ACOXL: variants seen among roughly 807,000 people sequenced by gnomAD.
ACOXL encodes acyl-CoA oxidase like.
Under a neutral mutation model 71.9 loss-of-function variants are expected in ACOXL, and 70 were observed. The observed-to-expected ratio is 0.97, with a 90% CI of 0.80 to 1.19. The LOEUF is 1.19. Ranked by LOEUF, ACOXL falls within the 50% of genes most tolerant of loss-of-function variation. The pLI, the probability that ACOXL is intolerant of heterozygous loss-of-function variation, is 0.00. For missense variants in ACOXL, 703 were observed against 736.3 expected (o/e 0.95, Z 0.52); for synonymous variants, 253 against 281.6 (o/e 0.90, Z 1.02).
chr2:110,801,884 A>G (rs935315886), intron 8 of ACOXL, among the ~76,000 whole-genome samples, 160 bp downstream of exon 8: 2 of 152,224 alleles, frequency 1.3e-5, no homozygotes, highest in African/African-American at 4.8e-5. Context: ...ATACGTCTGC[A>G]GATAGAAAAA....
chr2:110,961,736 A>C (rs1408367042), intron 12 of ACOXL, among the ~76,000 whole-genome samples: 1 of 152,214 alleles, frequency 6.6e-6, no homozygotes, highest in African/African-American at 2.4e-5. Context: ...TAATGGACTC[A>C]CAGTTCCACA....
intron 9 of ACOXL, among the ~76,000 whole-genome samples, chr2:110,820,535 G>A (rs1228645521): frequency 6.6e-6 from 1 of 151,692 alleles, no homozygotes; most frequent in African/African-American, 2.4e-5. Context: ...CAGAGATAGG[G>A]TCAAGGTCTG....
chr2:111,011,313 G>C (rs2064143539), intron 14 of ACOXL, among the ~76,000 whole-genome samples: 2 of 152,058 alleles, frequency 1.3e-5, no homozygotes, highest in Admixed American at 1.3e-4. Context: ...CCCTTAATCT[G>C]AAAGAAGACA....
intron 10 of ACOXL, among the ~76,000 whole-genome samples, chr2:110,891,686 C>T (rs1697943300): frequency 6.6e-6 from 1 of 152,008 alleles, no homozygotes; most frequent in Non-Finnish European, 1.5e-5. Flanking sequence ...TTTTAGAAAT[C>T]AATTTCAGCA....
intron 9 of ACOXL, among the ~76,000 whole-genome samples, chr2:110,813,247 A>G (rs1687550763): frequency 6.6e-6 from 1 of 152,206 alleles, no homozygotes; most frequent in South Asian, 2.1e-4. Flanking sequence ...TGTGGCTGTG[A>G]CATTTCAAGG....
intron 16 of ACOXL, among the ~76,000 whole-genome samples, chr2:111,079,315 T>C (rs542210827): frequency 6.6e-6 from 1 of 152,346 alleles, no homozygotes. Context: ...CTAGTGTATA[T>C]ACATTATTTA....
At chr2:110,830,363 T>C (rs1481452648) in intron 9 of ACOXL, among the ~76,000 whole-genome samples, 4 of 152,112 alleles carry the variant, frequency 2.6e-5, no homozygotes, top group Admixed American at 6.6e-5. Context: ...TGCAGTTCCT[T>C]CCTCCCTCCC....
chr2:111,027,398 T>C (rs1360241546), intron 14 of ACOXL, among the ~76,000 whole-genome samples: 2 of 151,840 alleles, frequency 1.3e-5, no homozygotes, highest in Non-Finnish European at 2.9e-5. Context: ...CTCGGCTCAC[T>C]ACAACCTCCA....
At chr2:111,094,989 C>A (rs1484496789) in intron 17 of ACOXL, among the ~76,000 whole-genome samples, 1 of 152,046 alleles carries the variant, frequency 6.6e-6, no homozygotes, top group Non-Finnish European at 1.5e-5. Context: ...AAGATGCCAG[C>A]CTTCATAAAG....
chr2:111,026,621 C>T (rs933114880), intron 14 of ACOXL, among the ~76,000 whole-genome samples: 1 of 151,724 alleles, frequency 6.6e-6, no homozygotes, highest in Non-Finnish European at 1.5e-5. Flanking sequence ...CAGTTCATTG[C>T]TAGAATATAG....
At chr2:110,903,208 A>G (rs1000550104) in intron 10 of ACOXL, among the ~76,000 whole-genome samples, 6 of 152,242 alleles carry the variant, frequency 3.9e-5, no homozygotes, top group Non-Finnish European at 8.8e-5. Flanking sequence ...CTTTGGGAGA[A>G]GAGACCAGAG....
intron 11 of ACOXL, among the ~76,000 whole-genome samples, chr2:110,911,104 A>G (rs1389274401): frequency 1.3e-5 from 2 of 152,176 alleles, no homozygotes; most frequent in African/African-American, 2.4e-5. Context: ...GAACAATAGT[A>G]TGCAACAAAA....
intron 13 of ACOXL, among the ~76,000 whole-genome samples, chr2:110,989,048 C>T (rs1319251368): frequency 1.3e-5 from 2 of 151,906 alleles, no homozygotes; most frequent in African/African-American, 4.8e-5. Flanking sequence ...TCAATCTTTT[C>T]TTTTATATCC....
intron 12 of ACOXL, among the ~76,000 whole-genome samples, chr2:110,980,431 C>T (rs1463776138): frequency 2.6e-5 from 4 of 152,044 alleles, no homozygotes; most frequent in African/African-American, 4.8e-5. Context: ...GGATGGGAAG[C>T]GAAGGGAAGA....
chr2:111,014,549 C>T (rs538453654), intron 14 of ACOXL, among the ~76,000 whole-genome samples: 25 of 152,186 alleles, frequency 1.6e-4, no homozygotes, highest in Non-Finnish European at 3.4e-4. Flanking sequence ...GTTCATCCTC[C>T]TGAAATTAGC....
intron 1 of ACOXL, among the ~76,000 whole-genome samples, chr2:110,740,711 A>G (rs934432029): frequency 1.3e-5 from 2 of 152,234 alleles, no homozygotes; most frequent in Non-Finnish European, 2.9e-5. Flanking sequence ...TGAGAGAGCT[A>G]AGGATGCTCC....
At chr2:110,787,751 C>A (rs1684163732) in intron 3 of ACOXL, among the ~76,000 whole-genome samples, 1 of 152,008 alleles carries the variant, frequency 6.6e-6, no homozygotes, top group African/African-American at 2.4e-5. Flanking sequence ...TTGCTTCTAG[C>A]CCTAGCTTGG....
chr2:111,021,408 T>C lies in ACOXL; in HGVS notation c.1282-10219T>C, dbSNP rs2064752702. On this transcript the variant is annotated intron_variant, in intron 14 of 17. Coordinates refer to ENST00000439055, the MANE Select transcript of ACOXL (RefSeq NM_001142807.4). Reference sequence around the variant, plus strand: ...TCCCTTTTTCTCATATGTAGCAGGATGTTGAGGGAGATTTGTTTACCCTGC... The same window carrying C: ...TCCCTTTTTCTCATATGTAGCAGGACGTTGAGGGAGATTTGTTTACCCTGC... 5.3e-5 allele frequency among the ~76,000 whole-genome samples: 8 copies of C among 152,136 alleles called. No individual in the cohort carries two copies. The South Asian group carries it at 1.7e-3, about 32-fold the overall frequency.
chr2:111,113,142 T>G (rs1004095568), intron 17 of ACOXL: 1 of 152,000 alleles, frequency 6.6e-6, no homozygotes, highest in Non-Finnish European at 1.5e-5. Context: ...CTCCAGCAAC[T>G]GGAAGCAGTG....
Sources: gnomAD v4.1 joint callset for allele counts (sites outside exome capture counted in the v4.1 genomes callset) on GRCh38, gnomAD v4.1.1 for gene constraint, MANE v1.5 for transcripts, NCBI Gene and HGNC (gene_info 2026-07-23, HGNC 2026-07-21) for gene names.